Variants in NPAS3 observed in about 807,000 individuals in gnomAD.
NPAS3 encodes the protein neuronal PAS domain protein 3, also known as neuronal PAS domain-containing protein 3.
Under a neutral mutation model 73.1 loss-of-function variants are expected in NPAS3, and 14 were observed. The observed-to-expected ratio is 0.19, with a 90% confidence interval of 0.13 to 0.30. The LOEUF (loss-of-function observed/expected upper bound fraction) is 0.30, where lower values mean the gene tolerates loss of function less well. Ranked by LOEUF, NPAS3 falls within the 10% of genes least tolerant of loss-of-function variation. The pLI is 1.00. For synonymous variants in NPAS3, 620 were observed against 541.5 expected (o/e 1.14, Z -2.01); for missense variants, 1,096 against 1,250.0 (o/e 0.88, Z 1.86).
At chr14:33,058,175 AC>A (rs1340689603) in intron 2 of NPAS3, among the ~76,000 whole-genome samples, 3 of 152,088 alleles carry the variant, frequency 2.0e-5, no homozygotes, top group Non-Finnish European at 4.4e-5. Flanking sequence ...TAGTTTTTCC[AC>A]ACTCTTGTTG....
chr14:33,393,741 C>G (rs1328125145), intron 4 of NPAS3, among the ~76,000 whole-genome samples: 2 of 152,120 alleles, frequency 1.3e-5, no homozygotes, highest in Non-Finnish European at 2.9e-5. Context: ...ATATATGATA[C>G]TGCTAGCATT....
chr14:33,294,953 C>T (rs1251673105), intron 3 of NPAS3, among the ~76,000 whole-genome samples: 1 of 152,134 alleles, frequency 6.6e-6, no homozygotes, highest in Non-Finnish European at 1.5e-5. Flanking sequence ...CAATGTGATG[C>T]TGTGGTGTTC....
intron 5 of NPAS3, among the ~76,000 whole-genome samples, chr14:33,633,979 A>C (rs767741289): frequency 6.6e-6 from 1 of 152,012 alleles, no homozygotes; most frequent in Non-Finnish European, 1.5e-5. Flanking sequence ...CCATGTCTCA[A>C]AAAAAAAGAG....
chr14:33,018,223 A>G (rs992411724), intron 1 of NPAS3, among the ~76,000 whole-genome samples: 7 of 152,246 alleles, frequency 4.6e-5, no homozygotes, highest in Non-Finnish European at 1.0e-4. Flanking sequence ...TGAAGGAAGC[A>G]CGAATGCTGT....
At chr14:33,213,147 T>G (rs922963545) in intron 2 of NPAS3, among the ~76,000 whole-genome samples, 2 of 152,114 alleles carry the variant, frequency 1.3e-5, no homozygotes, top group Admixed American at 1.3e-4. Flanking sequence ...CCATCAGGCC[T>G]CTTCACTCAC....
intron 2 of NPAS3, among the ~76,000 whole-genome samples, chr14:33,078,146 T>A (rs896338788): frequency 3.6e-4 from 54 of 151,228 alleles, no homozygotes; most frequent in Middle Eastern, 3.4e-3. Flanking sequence ...CCAAAAAAAA[T>A]AAATAAATAA....
intron 2 of NPAS3, among the ~76,000 whole-genome samples, chr14:33,122,897 C>A (rs2383444): frequency 0.4 from 60,995 of 151,790 alleles, 12,465 homozygotes; most frequent in African/African-American, 0.45. Context: ...TTATTGTGGA[C>A]GTTTTGATTA....
At chr14:33,784,751 T>TATTTTTTA (rs199829124) in intron 9 of NPAS3, among the ~76,000 whole-genome samples, 2 of 114,874 alleles carry the variant, frequency 1.7e-5, no homozygotes, top group Non-Finnish European at 3.4e-5. Flanking sequence ...ATTTATTTTT[T>TATTTTTTA]TTTTTTTTTT....
At chr14:33,532,327 G>A (rs1413570536) in intron 4 of NPAS3, among the ~76,000 whole-genome samples, 2 of 151,966 alleles carry the variant, frequency 1.3e-5, no homozygotes, top group Non-Finnish European at 2.9e-5. Flanking sequence ...TCGAGCTTTT[G>A]CCCCAGCTGT....
chr14:33,120,177 T>A (rs891952424), intron 2 of NPAS3, among the ~76,000 whole-genome samples: 1 of 152,086 alleles, frequency 6.6e-6, no homozygotes, highest in African/African-American at 2.4e-5. Flanking sequence ...ACCAGGCTGG[T>A]CTTGACCTCC....
intron 3 of NPAS3, among the ~76,000 whole-genome samples, chr14:33,246,137 T>G (rs552252863): frequency 6.6e-6 from 1 of 152,072 alleles, no homozygotes; most frequent in Non-Finnish European, 1.5e-5. Context: ...AGCCTCAATT[T>G]CCGTCTCTGT....
In NPAS3 at chr14:32,942,498, G is replaced by A. The variant is rs140026252; in HGVS notation, c.50+3132G>A. On this transcript the variant is annotated intron_variant, in intron 1 of 11. Transcript: ENST00000356141. ...TGAAAGAACAAGTTGAAAACCTTGT[G>A]TACATAAACTTGTTTGATTTTCTTT... is the stretch of plus-strand genomic sequence containing the variant. Among the ~76,000 whole-genome samples the A allele has an allele frequency of 3.9e-5, 6 of 152,310 alleles. No individual in the cohort carries two copies. In the East Asian group the frequency reaches 1.2e-3, roughly 29 times the overall value.
intron 2 of NPAS3, among the ~76,000 whole-genome samples, chr14:33,085,977 A>G (rs916771439): frequency 5.3e-5 from 8 of 152,182 alleles, no homozygotes; most frequent in Non-Finnish European, 4.4e-5. Context: ...ACAGTCTCCT[A>G]GGAGTAGAAG....
At chr14:33,543,699 A>G (rs2139647261) in intron 4 of NPAS3, among the ~76,000 whole-genome samples, 1 of 152,218 alleles carries the variant, frequency 6.6e-6, no homozygotes, top group East Asian at 1.9e-4. Context: ...AGAGAGGACA[A>G]CAATCATCTT....
intron 3 of NPAS3, among the ~76,000 whole-genome samples, chr14:33,269,707 A>C (rs1453767577): frequency 1.3e-5 from 2 of 152,198 alleles, no homozygotes; most frequent in African/African-American, 4.8e-5. Context: ...TCTGATATAC[A>C]AAACAATGGC....
At chr14:33,139,237 T>C (rs2043954239) in intron 2 of NPAS3, among the ~76,000 whole-genome samples, 2 of 152,200 alleles carry the variant, frequency 1.3e-5, no homozygotes, top group Admixed American at 6.5e-5. Context: ...ATTTTGAGAC[T>C]GTTCACATGT....
chr14:33,157,024 A>T (rs935953255), intron 2 of NPAS3, among the ~76,000 whole-genome samples: 1 of 152,222 alleles, frequency 6.6e-6, no homozygotes, highest in African/African-American at 2.4e-5. Context: ...AGAAGAGCAG[A>T]CTACATCATT....
chr14:33,066,854 T>C (rs1321443592), intron 2 of NPAS3, among the ~76,000 whole-genome samples: 1 of 152,160 alleles, frequency 6.6e-6, no homozygotes, highest in Non-Finnish European at 1.5e-5. Flanking sequence ...TGTTGGCTGG[T>C]TTTCTATGTG....
chr14:33,137,801 T>G (rs1029898984), intron 2 of NPAS3, among the ~76,000 whole-genome samples: 10 of 152,216 alleles, frequency 6.6e-5, no homozygotes, highest in Non-Finnish European at 1.5e-4. Context: ...TAGAGCTATT[T>G]GGCTAACATT....
Sources: gnomAD v4.1 joint callset for allele counts (sites outside exome capture counted in the v4.1 genomes callset) on GRCh38, gnomAD v4.1.1 for gene constraint, MANE v1.5 for transcripts, NCBI Gene and HGNC (gene_info 2026-07-23, HGNC 2026-07-21) for gene names.